NPTXR: variants seen among roughly 807,000 people sequenced by gnomAD.
NPTXR encodes the protein neuronal pentraxin receptor.
In NPTXR, 12 loss-of-function variants were observed where a neutral mutation model predicts 32.2. The observed-to-expected ratio is 0.37, with a 90% CI of 0.24 to 0.60. The LOEUF (loss-of-function observed/expected upper bound fraction) is 0.60, where lower values mean the gene tolerates loss of function less well. Among genes scored for constraint, NPTXR ranks in the 20% least tolerant of loss-of-function variants. The pLI, the probability that NPTXR is intolerant of heterozygous loss-of-function variation, is 0.66. For synonymous variants in NPTXR, 323 were observed against 315.8 expected, an observed-to-expected ratio of 1.02 and a Z score of -0.24; for missense variants, 612 against 682.9, an observed-to-expected ratio of 0.90 and a Z score of 1.16.
In NPTXR at chr22:38,822,394, C is replaced by G. The variant is rs2093099073; in HGVS notation, c.*215G>C. 1.7e-6 allele frequency: 1 copy of G among 580,284 alleles called. No homozygotes were observed. The highest frequency in any genetic ancestry group is 1.9e-5 in the African/African-American group (1 of 53,456). The allele number at this position is 580,284 out of a possible 1,614,324, so 35.9% of individuals were successfully genotyped here. ...CAGGTGGGCAGGCTCCCACTGTTCA[C>G]TTGAGACGCTCCTCCCCACTCAGGT... On this transcript the variant is annotated 3_prime_UTR_variant, in exon 5 of 5. Coordinates refer to ENST00000333039, the MANE Select transcript of NPTXR (RefSeq NM_014293.4).
At chr22:38,839,624 G>A (rs575382800) in intron 1 of NPTXR, among the ~76,000 whole-genome samples, 3 of 151,582 alleles carry the variant, frequency 2.0e-5, no homozygotes, top group Non-Finnish European at 2.9e-5. Context: ...CAGCCTGGGC[G>A]ACAGAGCTAG....
At chr22:38,828,983 C>T (rs1286684362) in intron 1 of NPTXR, among the ~76,000 whole-genome samples, 1 of 152,234 alleles carries the variant, frequency 6.6e-6, no homozygotes, top group African/African-American at 2.4e-5. Context: ...GCCACTGGGC[C>T]CACTCAGGGC....
intron 3 of NPTXR, among the ~76,000 whole-genome samples, chr22:38,824,250 C>T (rs2093102842): frequency 6.6e-6 from 1 of 151,728 alleles, no homozygotes; most frequent in Non-Finnish European, 1.5e-5. Context: ...ACCTCAGCCT[C>T]TCAGAGTGCT....
intron 1 of NPTXR, 50 bp from the exon 2 acceptor site, chr22:38,828,562 G>A: frequency 6.9e-7 from 1 of 1,454,830 alleles, no homozygotes; most frequent in Non-Finnish European, 9.3e-7. Flanking sequence ...GGAAGGACAG[G>A]CTGGGAACAC....
intron 1 of NPTXR, among the ~76,000 whole-genome samples, chr22:38,841,333 A>C (rs1052553356): frequency 6.6e-6 from 1 of 152,260 alleles, no homozygotes; most frequent in African/African-American, 2.4e-5. Flanking sequence ...GGGCTCCCCC[A>C]GCCTGGAAGG....
At position 38,821,852 on chromosome 22, in the gene NPTXR, T is replaced by A. The variant is rs951325479; in HGVS notation, c.*757A>T. 2 of 153,044 alleles carry A rather than the reference T, an allele frequency of 1.3e-5. No individual in the cohort carries two copies. The highest frequency in any genetic ancestry group is 3.9e-4 in the East Asian group (2 of 5,182). 9.5% of individuals were successfully genotyped at this position (153,044 alleles called of 1,614,324 possible). A position where few individuals can be genotyped will look rare whatever the true frequency, so the allele number is the denominator to read the frequency against. Reference sequence around the variant, plus strand: ...TGTCCTTGGCATGGAGGGAGAGCGATGACTATACCAGTGGCCATCACTATG... The same window carrying A: ...TGTCCTTGGCATGGAGGGAGAGCGAAGACTATACCAGTGGCCATCACTATG... On this transcript the variant is annotated 3_prime_UTR_variant, in exon 5 of 5. Coordinates refer to ENST00000333039, the MANE Select transcript of NPTXR (RefSeq NM_014293.4).
intron 3 of NPTXR, among the ~76,000 whole-genome samples, chr22:38,823,741 T>G (rs190635793): frequency 6.6e-6 from 1 of 152,174 alleles, no homozygotes; most frequent in Non-Finnish European, 1.5e-5. Context: ...CTCAGTTTCC[T>G]TATCTGTAAA....
chr22:38,843,741 C>A lies in NPTXR; in HGVS notation c.118G>T (p.Ala40Ser). The A allele has an allele frequency of 1.0e-6, 1 of 996,066 alleles. No individual in the cohort carries two copies. The highest frequency in any genetic ancestry group is 1.2e-6 in the Non-Finnish European group (1 of 838,744). 61.7% of individuals were successfully genotyped at this position (996,066 alleles called of 1,614,324 possible). The change falls in exon 1 of 5, where the codon GCC becomes TCC. Residue 40 changes from alanine to serine, a missense_variant. Transcript: ENST00000333039. The surrounding 1 kb of genome is among the most constrained non-coding windows in gnomAD (Gnocchi z 5.3). ...CCCGAGGCGACCGAAGCATTGTCGG[C>A]GCCGCCGGGCAGCGCCCGCGCCGGG... is the stretch of plus-strand genomic sequence containing the variant.
At position 38,843,488 on chromosome 22, in the gene NPTXR, A is replaced by G; in HGVS notation, c.371T>C (p.Leu124Pro). The G allele has an allele frequency of 7.7e-7, 1 of 1,301,694 alleles. No individual in the cohort carries two copies. 80.6% of individuals were successfully genotyped at this position (1,301,694 alleles called of 1,614,324 possible). Reference sequence around the variant, plus strand: ...CTGCTCGGCCGTGCTCTGCAGCAGCAGCAGCTCTTCGCGCTCGCCCGGCGC... The same window carrying G: ...CTGCTCGGCCGTGCTCTGCAGCAGCGGCAGCTCTTCGCGCTCGCCCGGCGC... The change falls in exon 1 of 5, where the codon CTG (leucine) becomes CCG (proline). Residue 124 changes from leucine (L) to proline (P), a missense_variant. Transcript: ENST00000333039. This position sits in a 1 kb window ranked among gnomAD's most constrained non-coding sequence, Gnocchi z 5.3.
At position 38,826,764 on chromosome 22, in the gene NPTXR, C is replaced by T; in HGVS notation, c.851-17G>A. Reference sequence around the variant, plus strand: ...CTGAGGACCCTGAGGGTGGGCAAGGCAGACATGGTGGAGGTCGGTGGACAC... The same window carrying T: ...CTGAGGACCCTGAGGGTGGGCAAGGTAGACATGGTGGAGGTCGGTGGACAC... On this transcript the variant is annotated splice_polypyrimidine_tract_variant and intron_variant, in intron 2 of 4. Transcript: ENST00000333039. 2 of 1,605,942 alleles carry T rather than the reference C, an allele frequency of 1.2e-6. No homozygotes were observed. The highest frequency in any genetic ancestry group is 1.7e-4 in the Middle Eastern group (1 of 6,024).
At chr22:38,837,426 G>A (rs112999981) in intron 1 of NPTXR, among the ~76,000 whole-genome samples, 9 of 152,244 alleles carry the variant, frequency 5.9e-5, no homozygotes, top group African/African-American at 2.2e-4. Context: ...AACAGGCAGG[G>A]TCAGGGGAAC....
intron 2 of NPTXR, among the ~76,000 whole-genome samples, chr22:38,827,887 A>G (rs2093109729): frequency 6.6e-6 from 1 of 152,194 alleles, no homozygotes; most frequent in Non-Finnish European, 1.5e-5. Flanking sequence ...TGACCAAGTC[A>G]TTGAAAATGC....
rs770851355 is a variant in NPTXR at position 38,822,701 on chromosome 22, T to C, written c.1411A>G (p.Asn471Asp). ...AACTTGTCTTCCCAGGGAAGGACGTTGCCCAGCAGTGGCGCAGTGCAGTTG... is the reference window on the plus strand; with the variant it reads ...AACTTGTCTTCCCAGGGAAGGACGTCGCCCAGCAGTGGCGCAGTGCAGTTG... The change falls in exon 5 of 5, where the codon AAC becomes GAC. Residue 471 changes from asparagine (N) to aspartate (D), a missense_variant. By Grantham distance (23) the Asn-to-Asp change is conservative. Transcript: ENST00000333039. 103 of 1,614,058 alleles carry C rather than the reference T, an allele frequency of 6.4e-5. No homozygotes were observed. Among genetic ancestry groups the C allele is most frequent in the Non-Finnish European group, 8.4e-5 (99 of 1,180,030 alleles).
Position 38,833,601 on chromosome 22 carries a change from C to T in NPTXR, c.625-5089G>A, listed in dbSNP as rs957938981. Among the ~76,000 whole-genome samples the T allele has an allele frequency of 5.3e-5, 8 of 151,192 alleles. No individual in the cohort carries two copies. In the East Asian group the frequency reaches 7.7e-4, roughly 15 times the overall value. Reference sequence around the variant, plus strand: ...TCATAGACAGAAAGCGCTTAGTGCGCGGTAGGCATAGGAAGCATCACAGGC... The same window carrying T: ...TCATAGACAGAAAGCGCTTAGTGCGTGGTAGGCATAGGAAGCATCACAGGC... On this transcript the variant is annotated intron_variant, in intron 1 of 4. Transcript: ENST00000333039.
At chr22:38,832,003 G>A (rs1288504754) in intron 1 of NPTXR, among the ~76,000 whole-genome samples, 2 of 152,200 alleles carry the variant, frequency 1.3e-5, no homozygotes, top group Non-Finnish European at 2.9e-5. Context: ...AGGGAGAGAG[G>A]GAGGAAGACT....
At chr22:38,837,571 A>T (rs1486015947) in intron 1 of NPTXR, among the ~76,000 whole-genome samples, 1 of 152,210 alleles carries the variant, frequency 6.6e-6, no homozygotes, top group Non-Finnish European at 1.5e-5. Context: ...AGAGAAACAT[A>T]GTTCTGGGAG....
chr22:38,830,612 G>T (rs999572037), intron 1 of NPTXR, among the ~76,000 whole-genome samples: 1 of 152,190 alleles, frequency 6.6e-6, no homozygotes. Flanking sequence ...CTGCCAAGCG[G>T]CCTCTCCAGA....
At chr22:38,835,124 C>G (rs906190016) in intron 1 of NPTXR, among the ~76,000 whole-genome samples, 2 of 152,230 alleles carry the variant, frequency 1.3e-5, no homozygotes, top group Non-Finnish European at 2.9e-5. Context: ...GGTGAGCTCA[C>G]CCCTGCTGCC....
rs1400766812 is a variant in NPTXR, at chr22:38,820,140, C to T, written c.*2469G>A. On this transcript the variant is annotated 3_prime_UTR_variant, in exon 5 of 5. Transcript: ENST00000333039. ...TTGAAGTTCTGAATTCTGCCGTCAC[C>T]CCAGCAACAGTGCCAGTATGATGAG... The T allele has an allele frequency of 6.6e-6, 1 of 152,596 alleles. No individual in the cohort carries two copies. The highest frequency in any genetic ancestry group is 1.9e-4 in the East Asian group (1 of 5,182). The allele number at this position is 152,596 out of a possible 1,614,324, so 9.5% of individuals were successfully genotyped here. A position where few individuals can be genotyped will look rare whatever the true frequency, so the allele number is the denominator to read the frequency against.
Sources: gnomAD v4.1 joint callset for allele counts (sites outside exome capture counted in the v4.1 genomes callset) on GRCh38, gnomAD v4.1.1 for gene constraint, Gnocchi (gnomAD v3.1) non-coding constraint, MANE v1.5 for transcripts, NCBI Gene and HGNC (gene_info 2026-07-23, HGNC 2026-07-21) for gene names.